ALK: variants seen among roughly 807,000 people sequenced by gnomAD.
ALK encodes ALK tyrosine kinase receptor.
In ALK, 74 loss-of-function variants were observed where a neutral mutation model predicts 163.1. The ratio of observed to expected loss-of-function variants is 0.45; its 90% CI spans 0.38 to 0.55. The LOEUF (loss-of-function observed/expected upper bound fraction) is 0.55. ALK is among the 20% of genes least tolerant of loss of function. The pLI is 0.00. For missense variants in ALK, 2,063 were observed against 2,105.3 expected (o/e 0.98, Z 0.39); for synonymous variants, 960 against 843.2 (o/e 1.14, Z -2.40).
At chr2:29,626,075 C>T (rs1187582236) in intron 3 of ALK, among the ~76,000 whole-genome samples, 1 of 152,238 alleles carries the variant, frequency 6.6e-6, no homozygotes, top group Non-Finnish European at 1.5e-5. Context: ...GCTCTAAGAA[C>T]TACTGATGGT....
chr2:29,633,919 A>AT (rs2148239172), intron 3 of ALK, among the ~76,000 whole-genome samples: 1 of 152,340 alleles, frequency 6.6e-6, no homozygotes, highest in Non-Finnish European at 1.5e-5. Context: ...TAAATTTGCC[A>AT]TTAAAAACTC....
At chr2:29,706,644 C>T (rs753188182) in intron 2 of ALK, among the ~76,000 whole-genome samples, 9 of 152,146 alleles carry the variant, frequency 5.9e-5, no homozygotes, top group South Asian at 2.1e-4. Flanking sequence ...AGTGTGTGTG[C>T]GCACGTGCAC....
chr2:29,701,107 T>A (rs1678719927), intron 2 of ALK, among the ~76,000 whole-genome samples: 2 of 152,316 alleles, frequency 1.3e-5, no homozygotes, highest in South Asian at 2.1e-4. Flanking sequence ...ATAGGGAGCT[T>A]GGTGCATTTT....
Position 29,227,176 on chromosome 2 carries a change from C to A in ALK, c.2915-102G>T. On this transcript the variant is annotated intron_variant, in intron 17 of 28. Coordinates refer to ENST00000389048, the MANE Select transcript of ALK (RefSeq NM_004304.5). This position sits in a 1 kb window ranked among gnomAD's most constrained non-coding sequence, Gnocchi z 4.4. Reference sequence around the variant, plus strand: ...TGGTCACTGTGGGTGCTCTGGTGGTCCCTGTTCCTAGGTCCCATAGCCACT... The same window carrying A: ...TGGTCACTGTGGGTGCTCTGGTGGTACCTGTTCCTAGGTCCCATAGCCACT... 1.3e-6 allele frequency: 2 copies of A among 1,492,326 alleles called. No individual in the cohort carries two copies. Among genetic ancestry groups the A allele is most frequent in the South Asian group, 2.3e-5 (2 of 88,056 alleles). The allele number at this position is 1,492,326 out of a possible 1,614,324, so 92.4% of individuals were successfully genotyped here.
chr2:29,418,343 C>G (rs1669929740), intron 4 of ALK, among the ~76,000 whole-genome samples: 1 of 152,196 alleles, frequency 6.6e-6, no homozygotes, highest in Non-Finnish European at 1.5e-5. Context: ...AGTTTTTATG[C>G]TCTCTACTCT....
At chr2:29,548,198 G>C (rs1312448616) in intron 3 of ALK, among the ~76,000 whole-genome samples, 1 of 152,198 alleles carries the variant, frequency 6.6e-6, no homozygotes, top group Non-Finnish European at 1.5e-5. Context: ...TCACAGCCGA[G>C]CGCGGTGGCT....
intron 1 of ALK, among the ~76,000 whole-genome samples, chr2:29,803,146 G>A (rs918851814): frequency 1.3e-4 from 20 of 152,068 alleles, no homozygotes; most frequent in African/African-American, 4.8e-4. Flanking sequence ...CATTCTCAAT[G>A]AGCTGTGTCT....
chr2:29,394,242 T>C (rs975885289), intron 4 of ALK, among the ~76,000 whole-genome samples: 4 of 151,786 alleles, frequency 2.6e-5, no homozygotes, highest in African/African-American at 9.7e-5. Flanking sequence ...CTCTGGTTTG[T>C]ATAAAAAATA....
intron 4 of ALK, among the ~76,000 whole-genome samples, chr2:29,477,042 T>A (rs1262490666): frequency 6.6e-6 from 1 of 152,050 alleles, no homozygotes; most frequent in Non-Finnish European, 1.5e-5. Context: ...TAGGTGCAGA[T>A]GTAGACTAGG....
chr2:29,637,157 C>T (rs937069029), intron 3 of ALK, among the ~76,000 whole-genome samples: 2 of 152,154 alleles, frequency 1.3e-5, no homozygotes, highest in Non-Finnish European at 2.9e-5. Context: ...CAATTTTATT[C>T]ATAATGGTCC....
intron 1 of ALK, among the ~76,000 whole-genome samples, chr2:29,718,626 T>C (rs1398976324): frequency 1.3e-5 from 2 of 152,228 alleles, no homozygotes; most frequent in African/African-American, 4.8e-5. Flanking sequence ...CATGCTGGAC[T>C]CTTTACCTAC....
intron 5 of ALK, among the ~76,000 whole-genome samples, chr2:29,379,230 T>C (rs759445294): frequency 1.3e-5 from 2 of 152,186 alleles, no homozygotes; most frequent in African/African-American, 2.4e-5. Context: ...CTCTTGCCTG[T>C]GCTGATTGTG....
intron 1 of ALK, among the ~76,000 whole-genome samples, chr2:29,780,868 T>G (rs1681313850): frequency 6.6e-6 from 1 of 152,244 alleles, no homozygotes; most frequent in Non-Finnish European, 1.5e-5. Flanking sequence ...TCCTCAGCTC[T>G]TCAGCAAAAT....
intron 3 of ALK, among the ~76,000 whole-genome samples, chr2:29,618,966 G>A (rs1487253380): frequency 6.6e-6 from 1 of 151,068 alleles, no homozygotes; most frequent in Admixed American, 6.6e-5. Context: ...GCGACAAAGC[G>A]AGACTGCGTC....
chr2:29,646,895 C>A (rs1387403287), intron 3 of ALK, among the ~76,000 whole-genome samples: 1 of 152,126 alleles, frequency 6.6e-6, no homozygotes, highest in East Asian at 1.9e-4. Context: ...TTTCCTATTT[C>A]TTCCTATGAG....
At chr2:29,751,891 T>C (rs565001974) in intron 1 of ALK, among the ~76,000 whole-genome samples, 1 of 152,322 alleles carries the variant, frequency 6.6e-6, no homozygotes, top group East Asian at 1.9e-4. Context: ...AGATACTGGT[T>C]AAGGATGACT....
chr2:29,511,046 C>A (rs1301809885), intron 4 of ALK, among the ~76,000 whole-genome samples: 1 of 152,202 alleles, frequency 6.6e-6, no homozygotes, highest in Non-Finnish European at 1.5e-5. Context: ...ACATGTATCA[C>A]TTCCTCATCT....
intron 3 of ALK, among the ~76,000 whole-genome samples, chr2:29,672,299 T>C (rs1677723107): frequency 1.3e-5 from 2 of 151,756 alleles, no homozygotes; most frequent in Admixed American, 1.3e-4. Context: ...TAGCATTAGG[T>C]ATATCTCCCA....
At chr2:29,197,981 T>C (rs547180754) in intron 26 of ALK, among the ~76,000 whole-genome samples, 1 of 152,342 alleles carries the variant, frequency 6.6e-6, no homozygotes, top group South Asian at 2.1e-4. Context: ...TTTCATTATA[T>C]CATAAACATT....
Sources: allele counts gnomAD v4.1 joint callset (sites outside exome capture counted in the v4.1 genomes callset), GRCh38; gene constraint gnomAD v4.1.1; non-coding constraint Gnocchi (gnomAD v3.1); transcripts MANE v1.5; gene names NCBI Gene and HGNC (gene_info 2026-07-23, HGNC 2026-07-21).